Variants in ADGB observed in about 807,000 individuals in gnomAD.
ADGB encodes the protein calpain-7-like protein.
A neutral mutation model predicts 210.5 loss-of-function variants in ADGB; 172 were observed. That is an observed-to-expected ratio of 0.82 (90% CI 0.72 to 0.93). ADGB has a LOEUF of 0.93. ADGB is among the 40% of genes least tolerant of loss of function. The pLI, the probability that ADGB is intolerant of heterozygous loss-of-function variation, is 0.00. For synonymous variants in ADGB, 658 were observed against 662.7 expected (o/e 0.99, Z 0.11); for missense variants, 2,025 against 1,964.8 (o/e 1.03, Z -0.58).
chr6:146,727,606 T>C (rs557051290), intron 19 of ADGB, among the ~76,000 whole-genome samples: 40 of 152,222 alleles, frequency 2.6e-4, no homozygotes, highest in Non-Finnish European at 4.9e-4. Flanking sequence ...CCTGGAGATA[T>C]TACTTCCTGA....
rs541010666 is a variant in ADGB at position 146,709,637 on chromosome 6, A to G, written c.1708-5745A>G. 5.9e-5 allele frequency among the ~76,000 whole-genome samples: 9 copies of G among 152,322 alleles called. No individual in the cohort carries two copies. In the East Asian group the frequency reaches 7.7e-4, roughly 13 times the overall value. The stretch of plus-strand genomic sequence containing the variant: ...CCTGGGGCCTCAGTTTATGGGGGCC[A>G]GCCCGCCACCAGGGTCTATTGGGTG... On this transcript the variant is annotated intron_variant, in intron 13 of 35. Transcript: ENST00000397944.
intron 29 of ADGB, among the ~76,000 whole-genome samples, chr6:146,776,894 C>T (rs1777730077): frequency 6.6e-6 from 1 of 151,846 alleles, no homozygotes; most frequent in African/African-American, 2.4e-5. Flanking sequence ...TGTAATAAAC[C>T]TACAAAAGTT....
chr6:146,725,683 G>A (rs752275084), intron 18 of ADGB: 21 of 154,644 alleles, frequency 1.4e-4, no homozygotes, highest in Non-Finnish European at 2.3e-4. Context: ...GAGGAGACAC[G>A]ATTAACATAC....
At chr6:146,699,216 C>G (rs1776453061) in intron 12 of ADGB, among the ~76,000 whole-genome samples, 1 of 151,976 alleles carries the variant, frequency 6.6e-6, no homozygotes, top group African/African-American at 2.4e-5. Context: ...TGAGAAGACT[C>G]AAGATAGGCT....
chr6:146,623,429 C>A (rs981730889), intron 1 of ADGB, among the ~76,000 whole-genome samples: 2 of 151,826 alleles, frequency 1.3e-5, no homozygotes, highest in African/African-American at 4.8e-5. Context: ...AATATGACAT[C>A]TATTCCCAAG....
At chr6:146,676,220 T>G in intron 8 of ADGB, 93 bp from the exon 9 acceptor site, 2 of 1,132,796 alleles carry the variant, frequency 1.8e-6, no homozygotes, top group Non-Finnish European at 2.4e-6. Context: ...ATACTATTAT[T>G]TTGGCCTTTT....
chr6:146,691,500 A>ATATTT (rs1257984997), intron 11 of ADGB, among the ~76,000 whole-genome samples: 4 of 13,640 alleles, frequency 2.9e-4, no homozygotes, highest in African/African-American at 6.7e-4. Flanking sequence ...ATATATATAT[A>ATATTT]TTTTTTTTTT....
At chr6:146,761,013 G>T (rs1777481156) in intron 27 of ADGB, among the ~76,000 whole-genome samples, 1 of 151,922 alleles carries the variant, frequency 6.6e-6, no homozygotes, top group Admixed American at 6.6e-5. Flanking sequence ...TTCATCAAAT[G>T]TATGCTTTGC....
intron 2 of ADGB, among the ~76,000 whole-genome samples, chr6:146,642,076 C>T (rs1371148004): frequency 6.6e-6 from 1 of 151,962 alleles, no homozygotes; most frequent in Non-Finnish European, 1.5e-5. Context: ...CAAACAACCA[C>T]ATTTAAAAGT....
At chr6:146,672,035 T>G (rs1465167894) in intron 7 of ADGB, among the ~76,000 whole-genome samples, 185 bp from the exon 8 acceptor site, 1 of 152,154 alleles carries the variant, frequency 6.6e-6, no homozygotes, top group Non-Finnish European at 1.5e-5. Context: ...CAGCACACAG[T>G]AGGCACGCAA....
intron 9 of ADGB, among the ~76,000 whole-genome samples, chr6:146,683,304 A>T (rs1776181931): frequency 6.6e-6 from 1 of 152,126 alleles, no homozygotes; most frequent in African/African-American, 2.4e-5. Flanking sequence ...ATAATAGTTC[A>T]CTGAGTTCTG....
At chr6:146,724,073 C>A (rs1249531426) in intron 17 of ADGB, 113 bp from the exon 18 acceptor site, 2 of 884,888 alleles carry the variant, frequency 2.3e-6, no homozygotes, top group East Asian at 3.1e-5. Flanking sequence ...AGTAATATTT[C>A]TAATGCTTGA....
At chr6:146,717,215 A>C (rs1776749368) in intron 15 of ADGB, 146 bp downstream of exon 15, 1 of 660,250 alleles carries the variant, frequency 1.5e-6, no homozygotes. Flanking sequence ...CATCCAAAAT[A>C]AGCCAATAAC....
At chr6:146,649,967 T>C (rs1045988760) in intron 3 of ADGB, among the ~76,000 whole-genome samples, 1 of 152,274 alleles carries the variant, frequency 6.6e-6, no homozygotes, top group Middle Eastern at 3.4e-3. Flanking sequence ...TAAACGTGTA[T>C]ATGTATTATA....
At chr6:146,813,082 T>C (rs1333312298) in intron 35 of ADGB, among the ~76,000 whole-genome samples, 4 of 152,134 alleles carry the variant, frequency 2.6e-5, no homozygotes, top group Non-Finnish European at 5.9e-5. Context: ...TCGCAGAAAA[T>C]CCTGCTTTAT....
intron 21 of ADGB, 64 bp from the exon 22 acceptor site, chr6:146,733,829 C>T (rs9390419): frequency 0.18 from 277,172 of 1,522,578 alleles, 26,924 homozygotes; most frequent in East Asian, 0.41. Flanking sequence ...CAGCTGAAGG[C>T]GTTGAAACTT....
chr6:146,813,994 A>C (rs9373507), intron 35 of ADGB, among the ~76,000 whole-genome samples: 51,484 of 134,460 alleles, frequency 0.38, 9,250 homozygotes, highest in East Asian at 0.68. Flanking sequence ...CATATTTACA[A>C]ACTCTCCTTA....
intron 12 of ADGB, among the ~76,000 whole-genome samples, chr6:146,697,811 T>G (rs907028032): frequency 6.6e-6 from 1 of 152,060 alleles, no homozygotes; most frequent in Non-Finnish European, 1.5e-5. Flanking sequence ...AAAGACTAAG[T>G]AATATAAATA....
intron 1 of ADGB, among the ~76,000 whole-genome samples, chr6:146,599,751 C>T (rs554715726): frequency 1.3e-5 from 2 of 152,230 alleles, no homozygotes; most frequent in African/African-American, 4.8e-5. Flanking sequence ...GATGTACTTC[C>T]CCATGATTAT....
Sources: gnomAD v4.1 joint callset for allele counts (sites outside exome capture counted in the v4.1 genomes callset) on GRCh38, gnomAD v4.1.1 for gene constraint, MANE v1.5 for transcripts, NCBI Gene and HGNC (gene_info 2026-07-23, HGNC 2026-07-21) for gene names.